KMT2C: variants seen among roughly 807,000 people sequenced by gnomAD.
KMT2C encodes lysine methyltransferase 2C.
In KMT2C, 88 loss-of-function variants were observed where a neutral mutation model predicts 507.9. That is an observed-to-expected ratio of 0.17 (90% CI 0.15 to 0.21). The LOEUF is 0.21. Ranked by LOEUF, KMT2C falls within the 10% of genes least tolerant of loss-of-function variation. The probability of loss-of-function intolerance (pLI) is 1.00; values close to 1 mark genes in which losing one functional copy is unlikely to be tolerated. For missense variants in KMT2C, 4,954 were observed against 5,957.8 expected, an observed-to-expected ratio of 0.83 and a Z score of 5.55; for synonymous variants, 2,049 against 2,080.8, an observed-to-expected ratio of 0.98 and a Z score of 0.42.
intron 1 of KMT2C, among the ~76,000 whole-genome samples, chr7:152,408,814 T>TAAAA (rs33915849): frequency 6.5e-4 from 79 of 122,312 alleles, no homozygotes; most frequent in African/African-American, 2.2e-3. Flanking sequence ...AAGGTTTTGT[T>TAAAA]AAAAAAAAAA....
At chr7:152,255,128 T>C (rs147472753) in intron 9 of KMT2C, among the ~76,000 whole-genome samples, 1,593 of 127,362 alleles carry the variant, frequency 0.013, 43 homozygotes, top group Admixed American at 0.02. Flanking sequence ...TATATATATA[T>C]ATATATATAT....
At chr7:152,264,994 C>T (rs747000722) in intron 8 of KMT2C, 44 bp downstream of exon 8, 1 of 1,611,360 alleles carries the variant, frequency 6.2e-7, no homozygotes, top group Non-Finnish European at 8.5e-7. Flanking sequence ...AATAGGGTCC[C>T]TCTTAAACCC....
At chr7:152,327,308 A>G (rs1239394332) in intron 3 of KMT2C, among the ~76,000 whole-genome samples, 1 of 152,232 alleles carries the variant, frequency 6.6e-6, no homozygotes, top group Non-Finnish European at 1.5e-5. Context: ...CAAGTATTAG[A>G]TGAGGACTAA....
intron 18 of KMT2C, among the ~76,000 whole-genome samples, chr7:152,226,770 T>C (rs760483265): frequency 5.9e-5 from 9 of 152,168 alleles, no homozygotes; most frequent in Non-Finnish European, 8.8e-5. Flanking sequence ...GTTGCAACTT[T>C]ATAAAAACTC....
chr7:152,400,030 C>T (rs375957469), intron 1 of KMT2C, among the ~76,000 whole-genome samples: 7 of 151,998 alleles, frequency 4.6e-5, no homozygotes, highest in African/African-American at 1.4e-4. Context: ...CACTAGAGGC[C>T]GGGCGTGGGG....
chr7:152,175,215 G>A (rs572220389), intron 38 of KMT2C, among the ~76,000 whole-genome samples: 124 of 150,552 alleles, frequency 8.2e-4, no homozygotes, highest in African/African-American at 2.9e-3. Context: ...GTGCGATCTC[G>A]CCTCACTGCA....
In KMT2C at chr7:152,174,123, C is replaced by T. The variant is rs2093090333; in HGVS notation, c.9374+8G>A. The T allele has an allele frequency of 1.3e-6, 2 of 1,500,750 alleles. No individual in the cohort carries two copies. Among genetic ancestry groups the T allele is most frequent in the Non-Finnish European group, 1.8e-6 (2 of 1,088,914 alleles). The allele number at this position is 1,500,750 out of a possible 1,614,324, so 93.0% of individuals were successfully genotyped here. A position where few individuals can be genotyped will look rare whatever the true frequency, so the allele number is the denominator to read the frequency against. ...TGCCCAGTAGAAACAAGCAGCCACT[C>T]CACCTACCTGCTCATCACCATTGGT... On this transcript the variant is annotated splice_region_variant and intron_variant, in intron 39 of 58. Transcript: ENST00000262189.
chr7:152,216,087 C>T (rs2094576055), intron 23 of KMT2C, among the ~76,000 whole-genome samples: 1 of 152,148 alleles, frequency 6.6e-6, no homozygotes, highest in Admixed American at 6.5e-5. Flanking sequence ...CCTTCTAGAG[C>T]CTCAGTGCAG....
chr7:152,284,260 CAAAT>C (rs200090873), intron 6 of KMT2C, among the ~76,000 whole-genome samples: 9 of 151,958 alleles, frequency 5.9e-5, no homozygotes, highest in East Asian at 1.9e-4. Flanking sequence ...AAAGGAGAGA[CAAAT>C]AAGTCAGAAA....
chr7:152,410,585 A>G (rs965363997), intron 1 of KMT2C, among the ~76,000 whole-genome samples: 4 of 150,188 alleles, frequency 2.7e-5, no homozygotes, highest in Admixed American at 6.7e-5. Context: ...CTCAAATAAA[A>G]TAAAATTTTT....
chr7:152,328,271 AGT>A (rs1465268444), intron 3 of KMT2C, among the ~76,000 whole-genome samples: 1 of 152,226 alleles, frequency 6.6e-6, no homozygotes, highest in Non-Finnish European at 1.5e-5. Flanking sequence ...AACAAACACC[AGT>A]GTGTTCTTTC....
At chr7:152,361,655 C>A (rs1191864869) in intron 1 of KMT2C, among the ~76,000 whole-genome samples, 1 of 151,644 alleles carries the variant, frequency 6.6e-6, no homozygotes, top group Non-Finnish European at 1.5e-5. Context: ...TTTGATCAAT[C>A]CAACAGCAGG....
intron 2 of KMT2C, among the ~76,000 whole-genome samples, chr7:152,349,876 C>A (rs527432167): frequency 6.6e-6 from 1 of 152,034 alleles, no homozygotes; most frequent in Non-Finnish European, 1.5e-5. Flanking sequence ...AGGCTATGCA[C>A]GTGTCGGGGA....
Position 152,138,889 on chromosome 7 carries a change from C to T in KMT2C, c.14550G>A (p.Ser4850=), listed in dbSNP as rs575625744. 187 of 1,613,600 alleles carry T rather than the reference C, an allele frequency of 1.2e-4. 1 individual carries two copies. Among genetic ancestry groups the T allele is most frequent in the African/African-American group, 2.0e-4 (15 of 75,008 alleles). Residue 4850 remains serine (S), a synonymous_variant, in exon 58 of 59, where the codon TCG becomes TCA. Coordinates refer to ENST00000262189, the MANE Select transcript of KMT2C (RefSeq NM_170606.3). The surrounding 1 kb of genome is among the most constrained non-coding windows in gnomAD (Gnocchi z 4.2). The stretch of plus-strand genomic sequence containing the variant: ...CTTCAGCCACACAATTAGGTGCACA[C>T]GAATGGTTGATATACCTGCAAGCCA... ...TGGPARYINH[S]CAPNCVAEVV... is the part of the protein sequence containing the mutation.
intron 48 of KMT2C, among the ~76,000 whole-genome samples, 180 bp from the exon 49 acceptor site, chr7:152,153,134 C>CA (rs935784076): frequency 6.6e-6 from 1 of 150,874 alleles, no homozygotes; most frequent in Non-Finnish European, 1.5e-5. Flanking sequence ...AACTAATATC[C>CA]AAAAAAAGAA....
At chr7:152,206,652 A>T (rs1294646683) in intron 24 of KMT2C, among the ~76,000 whole-genome samples, 1 of 152,206 alleles carries the variant, frequency 6.6e-6, no homozygotes, top group African/African-American at 2.4e-5. Context: ...CACGTGTGAT[A>T]AGCGGGAAAA....
At position 152,255,489 on chromosome 7, in the gene KMT2C, C is replaced by A. The variant is rs544136457; in HGVS notation, c.1300-2774G>T. On this transcript the variant is annotated intron_variant, in intron 9 of 58. Coordinates refer to ENST00000262189, the MANE Select transcript of KMT2C (RefSeq NM_170606.3). ...ACACTCAATAAATTAAATGTGATTCCAATAAAAATTCCAATGAGGTTTTTA... is the reference window on the plus strand; with the variant it reads ...ACACTCAATAAATTAAATGTGATTCAAATAAAAATTCCAATGAGGTTTTTA... 9.2e-5 allele frequency among the ~76,000 whole-genome samples: 14 copies of A among 151,908 alleles called. No homozygotes were observed. In the South Asian group the frequency reaches 2.9e-3, roughly 32 times the overall value.
chr7:152,171,469 T>C (rs566995544), intron 39 of KMT2C, 127 bp from the exon 40 acceptor site: 3 of 582,786 alleles, frequency 5.1e-6, no homozygotes, highest in Non-Finnish European at 8.9e-6. Flanking sequence ...TTCTTCTTCA[T>C]CAAAACACTA....
chr7:152,202,952 A>C lies in KMT2C; in HGVS notation c.4074T>G (p.Thr1358=), dbSNP rs150399737. ...ATATTACTTGTAAATAGGCAGGGAAAGTTTCTTCAAGCTTATTTTTCCTTT... is the reference window on the plus strand; with the variant it reads ...ATATTACTTGTAAATAGGCAGGGAACGTTTCTTCAAGCTTATTTTTCCTTT... ...YRKRKNKLEE[T]FPAYLQEAFF... is the part of the protein sequence containing the mutation. Residue 1358 remains threonine (T), a synonymous_variant, in exon 26 of 59, where the codon ACT becomes ACG. Coordinates refer to ENST00000262189, the MANE Select transcript of KMT2C (RefSeq NM_170606.3). 3.3e-5 allele frequency: 53 copies of C among 1,602,442 alleles called. 1 individual carries two copies. The African/African-American group carries it at 6.4e-4, about 19-fold the overall frequency.
Sources: allele counts gnomAD v4.1 joint callset (sites outside exome capture counted in the v4.1 genomes callset), GRCh38; gene constraint gnomAD v4.1.1; non-coding constraint Gnocchi (gnomAD v3.1); transcripts MANE v1.5; gene names NCBI Gene and HGNC (gene_info 2026-07-23, HGNC 2026-07-21).